The following CBR3 variants were observed in gnomAD, a reference collection of about 807,000 sequenced individuals.
The protein encoded by CBR3 is carbonyl reductase 3.
Under a neutral mutation model 11.6 loss-of-function variants are expected in CBR3, and 14 were observed. That is an observed-to-expected ratio of 1.20 (90% confidence interval 0.79 to 1.88). The LOEUF (loss-of-function observed/expected upper bound fraction) is 1.88, where lower values mean the gene tolerates loss of function less well. Among genes scored for constraint, CBR3 ranks in the 40% most tolerant of loss-of-function variants. The pLI, the probability that CBR3 is intolerant of heterozygous loss-of-function variation, is 0.00. For missense variants in CBR3, 308 were observed against 357.3 expected (o/e 0.86, Z 1.11); for synonymous variants, 125 against 145.6 (o/e 0.86, Z 1.02).
chr21:36,145,932 G>C, intron 2 of CBR3, 144 bp from the exon 3 acceptor site: 1 of 633,068 alleles, frequency 1.6e-6, no homozygotes, highest in Admixed American at 3.4e-5. Flanking sequence ...GTGCACTCTA[G>C]CCTGGGCAAC....
intron 2 of CBR3, 118 bp from the exon 3 acceptor site, chr21:36,145,958 C>G (rs1370216525): frequency 4.7e-6 from 3 of 643,434 alleles, no homozygotes; most frequent in Non-Finnish European, 7.4e-6. Flanking sequence ...GAGACTCTGT[C>G]TCAAAAAAAA....
intron 2 of CBR3, 84 bp downstream of exon 2, chr21:36,138,016 A>G: frequency 1.3e-6 from 1 of 755,768 alleles, no homozygotes; most frequent in South Asian, 1.5e-5. Flanking sequence ...TACCCTGCAG[A>G]AATCACTCAG....
At chr21:36,135,695 C>A in intron 1 of CBR3, 1 of 523,326 alleles carries the variant, frequency 1.9e-6, no homozygotes, top group South Asian at 3.0e-5. Context: ...GCGCCCCGCC[C>A]GCCGGCCTGT....
In CBR3 at chr21:36,135,435, C is replaced by CG. The variant is rs745795206; in HGVS notation, c.249dup (p.Leu84AlafsTer15). The CG allele has an allele frequency of 1.5e-5, 24 of 1,613,408 alleles. No individual in the cohort carries two copies. In the East Asian group the frequency reaches 2.0e-4, roughly 13 times the overall value. ...TGCGCGACTTCCTGCGCAAGGAGTACGGGGGGCTCAACGTACTGGTCAACA... is the reference window on the plus strand; with the variant it reads ...TGCGCGACTTCCTGCGCAAGGAGTACGGGGGGGCTCAACGTACTGGTCAACA... On this transcript the variant is annotated frameshift_variant, in exon 1 of 3. Transcript: ENST00000290354. LOFTEE classifies it high-confidence loss of function.
chr21:36,141,908 A>G, intron 2 of CBR3: 2 of 983,570 alleles, frequency 2.0e-6, no homozygotes, highest in Non-Finnish European at 2.4e-6. Context: ...TCCCATTCAC[A>G]TTTAATTCCT....
chr21:36,135,723 C>T (rs2065654600), intron 1 of CBR3: 1 of 467,758 alleles, frequency 2.1e-6, no homozygotes, highest in African/African-American at 2.1e-5. Flanking sequence ...TGTGCGCGGC[C>T]CGGGGCCCTC....
Position 36,135,150 on chromosome 21 carries a change from C to T in CBR3, c.-43C>T. On this transcript the variant is annotated 5_prime_UTR_variant, in exon 1 of 3. Transcript: ENST00000290354. ...GGCGCGCCCCAGGTGGTCCGAAGCC[C>T]GGTCCGCCCTCCACGCAGGTGCCCC... is the stretch of plus-strand genomic sequence containing the variant. 7.1e-7 allele frequency: 1 copy of T among 1,412,900 alleles called. No homozygotes were observed. The highest frequency in any genetic ancestry group is 9.2e-7 in the Non-Finnish European group (1 of 1,089,442). The allele number at this position is 1,412,900 out of a possible 1,614,324, so 87.5% of individuals were successfully genotyped here. A position where few individuals can be genotyped will look rare whatever the true frequency, so the allele number is the denominator to read the frequency against.
chr21:36,136,507 G>C (rs1476259641), intron 1 of CBR3, among the ~76,000 whole-genome samples: 1 of 152,148 alleles, frequency 6.6e-6, no homozygotes, highest in Admixed American at 6.5e-5. Flanking sequence ...AACTCAGCCT[G>C]CCGGCTTTCT....
rs1601350324 is a variant in CBR3, at chr21:36,137,522, GGAA to G, written c.290-301_290-299del. On this transcript the variant is annotated intron_variant, in intron 1 of 2. Coordinates refer to ENST00000290354, the MANE Select transcript of CBR3 (RefSeq NM_001236.4). ...AGAAAGAAAGGAAGGAAGGAAGGAAGGAAGGAAGGAAGGAAGGAAGGAAGGAAG... is the reference window on the plus strand; with the variant it reads ...AGAAAGAAAGGAAGGAAGGAAGGAAGGGAAGGAAGGAAGGAAGGAAGGAAG... 3 of 75,114 alleles carry G rather than the reference GGAA, an allele frequency of 4.0e-5. No individual in the cohort carries two copies. In the East Asian group the frequency reaches 8.3e-4, roughly 21 times the overall value. 4.7% of individuals were successfully genotyped at this position (75,114 alleles called of 1,614,324 possible). A position where few individuals can be genotyped will look rare whatever the true frequency, so the allele number is the denominator to read the frequency against.
intron 1 of CBR3, chr21:36,137,035 A>G (rs770765630): frequency 4.3e-4 from 25 of 58,296 alleles, no homozygotes; most frequent in Non-Finnish European, 1.1e-3. Context: ...CTCAAAAAAA[A>G]AAAAAAAAAA....
rs771040164 is a variant in CBR3 at position 36,146,169 on chromosome 21, C to T, written c.491C>T (p.Thr164Ile). The change falls in exon 3 of 3, where the codon ACA (threonine) becomes ATA (isoleucine). Residue 164 changes from threonine (T) to isoleucine (I), a missense_variant. Physicochemically the swap from Thr to Ile is moderately conservative, Grantham distance 89. Coordinates refer to ENST00000290354, the MANE Select transcript of CBR3 (RefSeq NM_001236.4). ...LQERFHSETL[T>I]EGDLVDLMKK... is the part of the protein sequence containing the mutation. ...GAAAGGTTCCACAGTGAGACACTCA[C>T]AGAAGGAGACCTGGTGGATCTCATG... 66 of 1,613,906 alleles carry T rather than the reference C, an allele frequency of 4.1e-5. No homozygotes were observed. The highest frequency in any genetic ancestry group is 5.5e-5 in the Non-Finnish European group (65 of 1,179,984).
chr21:36,135,233 A>G lies in CBR3; in HGVS notation c.41A>G (p.Asn14Ser). The change falls in exon 1 of 3, where the codon AAC becomes AGC. Residue 14 changes from asparagine to serine, a missense_variant. Transcript: ENST00000290354. ...CSRVALVTGA[N>S]RGIGLAIARE... is the part of the protein sequence containing the mutation. Reference sequence around the variant, plus strand: ...CGCGTGGCGCTGGTGACCGGGGCCAACAGGGGCATCGGCTTGGCCATCGCG... The same window carrying G: ...CGCGTGGCGCTGGTGACCGGGGCCAGCAGGGGCATCGGCTTGGCCATCGCG... The G allele has an allele frequency of 1.3e-6, 2 of 1,559,680 alleles. No individual in the cohort carries two copies. The highest frequency in any genetic ancestry group is 1.4e-5 in the African/African-American group (1 of 73,102).
chr21:36,139,382 C>CTTTTTTTT (rs35931656), intron 2 of CBR3, among the ~76,000 whole-genome samples: 2 of 126,678 alleles, frequency 1.6e-5, no homozygotes, highest in Non-Finnish European at 3.2e-5. Context: ...CTTGCTTTTT[C>CTTTTTTTT]TTTTTTTTTT....
chr21:36,145,974 A>C (rs2065751630), intron 2 of CBR3, 102 bp from the exon 3 acceptor site: 1 of 809,762 alleles, frequency 1.2e-6, no homozygotes, highest in Non-Finnish European at 1.9e-6. Context: ...AAAAAAAAAA[A>C]AAAAAAACCT....
At chr21:36,141,663 G>T (rs1238262181) in intron 2 of CBR3, 1 of 152,242 alleles carries the variant, frequency 6.6e-6, no homozygotes, top group East Asian at 1.9e-4. Flanking sequence ...ACTCTTTCTA[G>T]AGTAAGGCAG....
rs778122106 is a variant in CBR3 at position 36,146,529 on chromosome 21, T to C, written c.*17T>C. 6.4e-7 allele frequency: 1 copy of C among 1,559,964 alleles called. No homozygotes were observed. Among genetic ancestry groups the C allele is most frequent in the Admixed American group, 1.9e-5 (1 of 52,444 alleles). On this transcript the variant is annotated 3_prime_UTR_variant, in exon 3 of 3. Transcript: ENST00000290354. ...AACTGGTAAACGTCTGCTTCGGAGC[T>C]TGCTGCTTAATAAATGTTGGTGGAA...
intron 2 of CBR3, among the ~76,000 whole-genome samples, chr21:36,142,431 C>CAAAAAAA (rs71326645): frequency 2.5e-5 from 1 of 40,418 alleles, no homozygotes; most frequent in African/African-American, 1.1e-4. Context: ...GACTCCATCT[C>CAAAAAAA]AAAAAAAAAA....
intron 1 of CBR3, chr21:36,137,369 C>T (rs1364829825): frequency 6.4e-6 from 1 of 155,884 alleles, no homozygotes; most frequent in Non-Finnish European, 1.4e-5. Flanking sequence ...CCAGCTACTC[C>T]AGAGGCTGAG....
At chr21:36,145,175 C>T (rs1227227521) in intron 2 of CBR3, 1 of 152,198 alleles carries the variant, frequency 6.6e-6, no homozygotes, top group Non-Finnish European at 1.5e-5. Context: ...TTTACTACCT[C>T]ACCCATCTCT....
Sources: allele counts gnomAD v4.1 joint callset (sites outside exome capture counted in the v4.1 genomes callset), GRCh38; gene constraint gnomAD v4.1.1; transcripts MANE v1.5; gene names NCBI Gene and HGNC (gene_info 2026-07-23, HGNC 2026-07-21).